Variants in RASGRF2 observed in about 807,000 individuals in gnomAD.
RASGRF2 encodes Ras protein specific guanine nucleotide releasing factor 2.
A neutral mutation model predicts 151.0 loss-of-function variants in RASGRF2; 76 were observed. The ratio of observed to expected loss-of-function variants is 0.50; its 90% confidence interval spans 0.42 to 0.61. RASGRF2 has a LOEUF of 0.61. Ranked by LOEUF, RASGRF2 falls within the 20% of genes least tolerant of loss-of-function variation. The probability of loss-of-function intolerance (pLI) is 0.00; values close to 1 mark genes in which losing one functional copy is unlikely to be tolerated. For missense variants in RASGRF2, 1,148 were observed against 1,564.6 expected (o/e 0.73, Z 4.49); for synonymous variants, 504 against 566.5 (o/e 0.89, Z 1.57).
chr5:81,080,640 G>T lies in RASGRF2; in HGVS notation c.1012G>T (p.Glu338Ter). ...GCTCCCCATGCTGAACATTTATCAA[G>T]AATTTGTGCGTAATCACCAGTACAG... Reference protein sequence around the residue: ...ILLPMLNIYQEFVRNHQYSLQ... With the variant: ...ILLPMLNIYQ Residue 338 changes from glutamate to a stop codon, truncating the protein, a stop_gained, in exon 7 of 27, where the codon GAA becomes TAA. Coordinates refer to ENST00000265080, the MANE Select transcript of RASGRF2 (RefSeq NM_006909.3). LOFTEE classifies it high-confidence loss of function. The T allele has an allele frequency of 6.2e-7, 1 of 1,614,156 alleles. No individual in the cohort carries two copies. Among genetic ancestry groups the T allele is most frequent in the African/African-American group, 1.3e-5 (1 of 75,066 alleles).
rs1411200687 is a variant in RASGRF2 at position 81,088,245 on chromosome 5, A to G, written c.1390+1292A>G. 3.9e-5 allele frequency: 6 copies of G among 152,082 alleles called. No individual in the cohort carries two copies. In the East Asian group the frequency reaches 1.2e-3, roughly 30 times the overall value. 9.4% of individuals were successfully genotyped at this position (152,082 alleles called of 1,614,324 possible). On this transcript the variant is annotated intron_variant, in intron 9 of 26. Coordinates refer to ENST00000265080, the MANE Select transcript of RASGRF2 (RefSeq NM_006909.3). ...CTGGGGGCTGGGAATGTCCTTATCC[A>G]TTTCTTTTGTGCCTGTTGAAGTTCT...
intron 1 of RASGRF2, among the ~76,000 whole-genome samples, chr5:80,974,845 G>A (rs1418616027): frequency 6.6e-6 from 1 of 152,128 alleles, no homozygotes; most frequent in East Asian, 1.9e-4. Context: ...AAAAATCGTA[G>A]TGGTAATTTG....
intron 1 of RASGRF2, among the ~76,000 whole-genome samples, chr5:80,999,498 A>C (rs373911567): frequency 2.6e-5 from 4 of 152,058 alleles, no homozygotes; most frequent in African/African-American, 9.7e-5. Context: ...GCGTGCCACC[A>C]TGCCTGGAAT....
At chr5:80,969,200 A>G (rs1401685317) in intron 1 of RASGRF2, among the ~76,000 whole-genome samples, 1 of 133,482 alleles carries the variant, frequency 7.5e-6, no homozygotes, top group South Asian at 2.3e-4. Flanking sequence ...GCGCCATCTC[A>G]GCTCACGGCA....
At chr5:81,136,894 C>T (rs1285045329) in intron 17 of RASGRF2, among the ~76,000 whole-genome samples, 1 of 151,616 alleles carries the variant, frequency 6.6e-6, no homozygotes, top group African/African-American at 2.4e-5. Flanking sequence ...TTGAGTCTAC[C>T]GATGAATCAG....
intron 12 of RASGRF2, chr5:81,096,627 C>A (rs933513528): frequency 1.4e-4 from 22 of 152,140 alleles, no homozygotes; most frequent in African/African-American, 5.3e-4. Flanking sequence ...TCCTAAGATA[C>A]AGACTTGATA....
intron 12 of RASGRF2, among the ~76,000 whole-genome samples, 138 bp from the exon 13 acceptor site, chr5:81,108,834 CTGTGTGTGTGTGTGTGTGTGTGTG>C (rs10606038): frequency 2.9e-5 from 4 of 139,910 alleles, no homozygotes; most frequent in South Asian, 2.5e-4. Context: ...TTTACCTACT[CTGTGTGTGTGTGTGTGTGTGTGTG>C]TGTGTGTGTG....
chr5:81,217,047 C>T (rs1444576587), intron 24 of RASGRF2: 13 of 444,292 alleles, frequency 2.9e-5, no homozygotes, highest in Non-Finnish European at 5.3e-5. Context: ...AAAGTGTGGG[C>T]AGTTTACAAG....
chr5:81,066,608 TCTCTC>T (rs945323754), intron 2 of RASGRF2, among the ~76,000 whole-genome samples: 3 of 152,184 alleles, frequency 2.0e-5, no homozygotes, highest in African/African-American at 7.2e-5. Context: ...AGACTTTCTG[TCTCTC>T]CTGTCTTTGC....
intron 17 of RASGRF2, among the ~76,000 whole-genome samples, chr5:81,170,953 T>G (rs1754644183): frequency 6.6e-6 from 1 of 152,120 alleles, no homozygotes; most frequent in Non-Finnish European, 1.5e-5. Flanking sequence ...GTTTCCGCCC[T>G]TCCTCCCACC....
chr5:81,021,344 T>G (rs745313759), intron 1 of RASGRF2, among the ~76,000 whole-genome samples: 2 of 115,584 alleles, frequency 1.7e-5, no homozygotes, highest in Non-Finnish European at 3.5e-5. Flanking sequence ...AAATAAAATA[T>G]TTTTCTAAAT....
chr5:81,073,050 T>G (rs1425174153), intron 4 of RASGRF2, 149 bp from the exon 5 acceptor site: 6 of 1,009,118 alleles, frequency 5.9e-6, no homozygotes, highest in Non-Finnish European at 7.1e-6. Context: ...TGCCTGTTAT[T>G]TTTCACATCA....
chr5:80,992,613 A>G (rs1042184539), intron 1 of RASGRF2, among the ~76,000 whole-genome samples: 1 of 152,170 alleles, frequency 6.6e-6, no homozygotes, highest in Non-Finnish European at 1.5e-5. Flanking sequence ...TCTCATTCCA[A>G]TTTGAGCTTG....
chr5:81,207,437 T>A (rs147544018), intron 21 of RASGRF2, 88 bp downstream of exon 21: 38 of 1,105,304 alleles, frequency 3.4e-5, no homozygotes, highest in Non-Finnish European at 4.4e-5. Context: ...TGTGTGTATG[T>A]CTGTCCCCTC....
chr5:80,987,102 T>C (rs774950183), intron 1 of RASGRF2, among the ~76,000 whole-genome samples: 2 of 152,232 alleles, frequency 1.3e-5, no homozygotes, highest in Non-Finnish European at 2.9e-5. Flanking sequence ...ACCAACTCTC[T>C]GACCCTCTGG....
chr5:81,011,234 T>C (rs1425103296), intron 1 of RASGRF2, among the ~76,000 whole-genome samples: 2 of 152,236 alleles, frequency 1.3e-5, no homozygotes, highest in Non-Finnish European at 2.9e-5. Flanking sequence ...TTACTATTTT[T>C]TTTTATTGCC....
At chr5:81,178,078 T>A (rs1402141549) in intron 17 of RASGRF2, among the ~76,000 whole-genome samples, 1 of 152,196 alleles carries the variant, frequency 6.6e-6, no homozygotes, top group Non-Finnish European at 1.5e-5. Context: ...AAGATCTTTC[T>A]GACTTCAGAG....
In RASGRF2 at chr5:81,127,106, T is replaced by G. The variant is rs1753477847; in HGVS notation, c.2629T>G (p.Ser877Ala). ...GGCGGACAATGCCCACTGCTCTGTT[T>G]CACCGGCTTCTGCTTTTGCAATAGC... is the stretch of plus-strand genomic sequence containing the variant. ...QTADNAHCSVSPASAFAIATA... is the reference protein window; with the variant it reads ...QTADNAHCSVAPASAFAIATA... Residue 877 changes from serine (S) to alanine (A), a missense_variant, in exon 17 of 27, where the codon TCA becomes GCA. Around this residue, in one of 5 missense-constraint regions of RASGRF2, gnomAD observed 646 missense variants for 807.4 expected, o/e 0.80. Coordinates refer to ENST00000265080, the MANE Select transcript of RASGRF2 (RefSeq NM_006909.3). 1 of 1,614,034 alleles carries G rather than the reference T, an allele frequency of 6.2e-7. No individual in the cohort carries two copies. Among genetic ancestry groups the G allele is most frequent in the Non-Finnish European group, 8.5e-7 (1 of 1,179,996 alleles).
At chr5:81,107,096 C>T (rs1011132439) in intron 12 of RASGRF2, among the ~76,000 whole-genome samples, 3 of 151,412 alleles carry the variant, frequency 2.0e-5, no homozygotes, top group South Asian at 2.1e-4. Flanking sequence ...TGCAGTGGCT[C>T]GCACCTGTAA....
Sources: allele counts gnomAD v4.1 joint callset (sites outside exome capture counted in the v4.1 genomes callset), GRCh38; gene constraint gnomAD v4.1.1; regional missense constraint gnomAD v4.1.1; transcripts MANE v1.5; gene names NCBI Gene and HGNC (gene_info 2026-07-23, HGNC 2026-07-21).